MRRF: variants seen among roughly 807,000 people sequenced by gnomAD.
The protein encoded by MRRF is mitochondrial ribosome recycling factor.
MRRF carries 18 observed loss-of-function variants against 25.1 expected under a neutral mutation model. The observed-to-expected ratio is 0.72, with a 90% CI of 0.50 to 1.06. The LOEUF (loss-of-function observed/expected upper bound fraction) is 1.06, where lower values mean the gene tolerates loss of function less well. MRRF is among the 50% of genes least tolerant of loss of function. The pLI, the probability that MRRF is intolerant of heterozygous loss-of-function variation, is 0.00. For missense variants in MRRF, 323 were observed against 319.3 expected (o/e 1.01, Z -0.09); for synonymous variants, 113 against 112.1 (o/e 1.01, Z -0.05).
At chr9:122,315,024 C>G (rs546228041) in intron 6 of MRRF, among the ~76,000 whole-genome samples, 1 of 152,100 alleles carries the variant, frequency 6.6e-6, no homozygotes, top group East Asian at 1.9e-4. Context: ...TTCTCCTCCA[C>G]CAGCAGTTAA....
chr9:122,265,045 C>T (rs1370307902), intron 1 of MRRF, 107 bp downstream of exon 1: 1 of 152,190 alleles, frequency 6.6e-6, no homozygotes, highest in African/African-American at 2.4e-5. Flanking sequence ...CCGTCCCCGA[C>T]CCGTTCGAGT....
chr9:122,296,382 C>T (rs1588050298), intron 5 of MRRF, among the ~76,000 whole-genome samples: 2 of 152,138 alleles, frequency 1.3e-5, no homozygotes, highest in Admixed American at 6.5e-5. Flanking sequence ...TACCATTTAT[C>T]AACCACCTAA....
At chr9:122,280,040 T>C (rs752252990) in intron 2 of MRRF, among the ~76,000 whole-genome samples, 4 of 152,222 alleles carry the variant, frequency 2.6e-5, no homozygotes, top group Admixed American at 1.3e-4. Context: ...AATTTAGTTA[T>C]GGATTCCCTG....
intron 4 of MRRF, among the ~76,000 whole-genome samples, chr9:122,288,750 T>A (rs974743319): frequency 2.6e-5 from 4 of 152,248 alleles, no homozygotes; most frequent in Non-Finnish European, 5.9e-5. Context: ...CAAGGACTTG[T>A]TCACCTGTCT....
At chr9:122,280,684 C>T in intron 3 of MRRF, 86 bp downstream of exon 3, 3 of 1,320,282 alleles carry the variant, frequency 2.3e-6, no homozygotes, top group South Asian at 2.4e-5. Context: ...CCAGCTTTGC[C>T]ATTTACTAAC....
At chr9:122,320,231 A>C (rs1210516655) in intron 6 of MRRF, among the ~76,000 whole-genome samples, 1 of 152,218 alleles carries the variant, frequency 6.6e-6, no homozygotes, top group Admixed American at 6.5e-5. Flanking sequence ...TATAGTAACA[A>C]GAAATAGCAA....
rs1329738699 is a variant in MRRF at position 122,323,758 on chromosome 9, T to C, written c.*1141T>C. Reference sequence around the variant, plus strand: ...ACTTAAGAGATGTGTATTATCTTCATTTACAAATAGGAAAACTAAGTCTTG... The same window carrying C: ...ACTTAAGAGATGTGTATTATCTTCACTTACAAATAGGAAAACTAAGTCTTG... On this transcript the variant is annotated 3_prime_UTR_variant, in exon 7 of 7. Transcript: ENST00000344641. The C allele has an allele frequency of 1.3e-5, 2 of 152,220 alleles. No individual in the cohort carries two copies. Among genetic ancestry groups the C allele is most frequent in the African/African-American group, 4.8e-5 (2 of 41,450 alleles). 9.4% of individuals were successfully genotyped at this position (152,220 alleles called of 1,614,324 possible). A position where few individuals can be genotyped will look rare whatever the true frequency, so the allele number is the denominator to read the frequency against.
rs921624955 is a variant in MRRF at position 122,327,172 on chromosome 9, T to A, written c.*4555T>A. On this transcript the variant is annotated 3_prime_UTR_variant, in exon 7 of 7. Coordinates refer to ENST00000344641, the MANE Select transcript of MRRF (RefSeq NM_138777.5). The stretch of plus-strand genomic sequence containing the variant: ...TAGCTCTTATGGAGACAGTAAAGAT[T>A]ACATATTAATCCCCCACCTGTTTGG... 1.3e-5 allele frequency: 2 copies of A among 152,212 alleles called. No individual in the cohort carries two copies. Among genetic ancestry groups the A allele is most frequent in the African/African-American group, 4.8e-5 (2 of 41,440 alleles). The allele number at this position is 152,212 out of a possible 1,614,324, so 9.4% of individuals were successfully genotyped here. A position where few individuals can be genotyped will look rare whatever the true frequency, so the allele number is the denominator to read the frequency against.
chr9:122,287,665 T>C (rs948672083), intron 4 of MRRF, among the ~76,000 whole-genome samples: 3 of 152,226 alleles, frequency 2.0e-5, no homozygotes, highest in Admixed American at 2.0e-4. Flanking sequence ...ATTAACAGCT[T>C]AATTTTTTCT....
chr9:122,269,515 A>G (rs961761900), intron 1 of MRRF, among the ~76,000 whole-genome samples: 3 of 152,194 alleles, frequency 2.0e-5, no homozygotes, highest in East Asian at 3.9e-4. Context: ...GCCTGAGCCC[A>G]GGAGTTCAAG....
At chr9:122,307,584 A>G (rs1421854512) in intron 5 of MRRF, among the ~76,000 whole-genome samples, 1 of 152,218 alleles carries the variant, frequency 6.6e-6, no homozygotes. Flanking sequence ...GAGCTCTTAC[A>G]ATGCATACAT....
intron 6 of MRRF, among the ~76,000 whole-genome samples, chr9:122,316,240 A>G (rs1044534048): frequency 2.0e-5 from 3 of 152,038 alleles, no homozygotes; most frequent in East Asian, 1.9e-4. Flanking sequence ...CAGTGGTGCA[A>G]TCTTGGCTCA....
chr9:122,285,122 C>A, intron 3 of MRRF, 47 bp from the exon 4 acceptor site: 1 of 1,186,826 alleles, frequency 8.4e-7, no homozygotes, highest in Non-Finnish European at 1.3e-6. Flanking sequence ...AGATTTGGGG[C>A]TACTAAGGTT....
intron 5 of MRRF, among the ~76,000 whole-genome samples, chr9:122,299,389 A>G (rs1425039336): frequency 2.0e-4 from 30 of 151,900 alleles, no homozygotes; most frequent in Admixed American, 2.0e-3. Context: ...TGCTGGGATT[A>G]CAGGCATGAG....
chr9:122,306,242 CTG>C (rs1564504930), intron 5 of MRRF, among the ~76,000 whole-genome samples: 1 of 152,176 alleles, frequency 6.6e-6, no homozygotes. Flanking sequence ...GCTCATAACA[CTG>C]TGGAAAAATC....
chr9:122,306,542 G>A (rs1043717151), intron 5 of MRRF, among the ~76,000 whole-genome samples: 1 of 152,170 alleles, frequency 6.6e-6, no homozygotes, highest in Non-Finnish European at 1.5e-5. Flanking sequence ...TGACTTCAGA[G>A]CCCGTTCTCT....
intron 1 of MRRF, among the ~76,000 whole-genome samples, chr9:122,268,342 C>T (rs1322584253): frequency 3.9e-5 from 6 of 152,174 alleles, no homozygotes; most frequent in African/African-American, 1.2e-4. Context: ...GGTATTATGA[C>T]CTGCAACAGG....
chr9:122,268,170 T>C (rs1832236665), intron 1 of MRRF, among the ~76,000 whole-genome samples: 1 of 152,256 alleles, frequency 6.6e-6, no homozygotes, highest in South Asian at 2.1e-4. Context: ...ATTTCTTGAC[T>C]TCTGTGCAAT....
At chr9:122,285,401 A>G (rs751785459) in intron 4 of MRRF, 114 bp downstream of exon 4, 5 of 802,528 alleles carry the variant, frequency 6.2e-6, no homozygotes, top group Non-Finnish European at 1.1e-5. Flanking sequence ...GAGAAGACAT[A>G]ATAAAGAGAA....
Sources: gnomAD v4.1 joint callset for allele counts (sites outside exome capture counted in the v4.1 genomes callset) on GRCh38, gnomAD v4.1.1 for gene constraint, MANE v1.5 for transcripts, NCBI Gene and HGNC (gene_info 2026-07-23, HGNC 2026-07-21) for gene names.